The following FAN1 variants were observed in gnomAD, a reference collection of about 807,000 sequenced individuals.
The protein encoded by FAN1 is fanconi-associated nuclease 1.
A neutral mutation model predicts 104.9 loss-of-function variants in FAN1; 91 were observed. The observed-to-expected ratio is 0.87, with a 90% CI of 0.73 to 1.03. FAN1 has a LOEUF of 1.03. FAN1 is among the 50% of genes least tolerant of loss of function. The pLI is 0.00. For synonymous variants in FAN1, 478 were observed against 457.6 expected (o/e 1.04, Z -0.57); for missense variants, 1,263 against 1,239.9 (o/e 1.02, Z -0.28).
chr15:30,940,114 T>C, intron 14 of FAN1: 2 of 985,348 alleles, frequency 2.0e-6, no homozygotes, highest in Non-Finnish European at 2.4e-6. Flanking sequence ...ATTTTCCATA[T>C]CTTAGGATGG....
Position 30,908,137 on chromosome 15 carries a change from T to C in FAN1, c.1254T>C (p.Tyr418=). ...YQLSATGQKL[Y]VRLFQRKLSW... Reference sequence around the variant, plus strand: ...TTGCAGCTACTGGTCAGAAGTTATATGTAAGGCTCTTTCAACGTAAATTAA... The same window carrying C: ...TTGCAGCTACTGGTCAGAAGTTATACGTAAGGCTCTTTCAACGTAAATTAA... The change falls in exon 3 of 15, where the codon TAT becomes TAC. Residue 418 remains tyrosine (Y), a synonymous_variant. Transcript: ENST00000362065. 6.2e-7 allele frequency: 1 copy of C among 1,610,280 alleles called. No individual in the cohort carries two copies. Among genetic ancestry groups the C allele is most frequent in the Non-Finnish European group, 8.5e-7 (1 of 1,178,650 alleles).
intron 13 of FAN1, among the ~76,000 whole-genome samples, chr15:30,934,773 A>G (rs956976868): frequency 6.6e-6 from 1 of 152,230 alleles, no homozygotes; most frequent in South Asian, 2.1e-4. Flanking sequence ...TATATTATAT[A>G]TCTTAAACTT....
At chr15:30,921,704 A>G (rs2062334074) in intron 7 of FAN1, among the ~76,000 whole-genome samples, 1 of 152,200 alleles carries the variant, frequency 6.6e-6, no homozygotes, top group Non-Finnish European at 1.5e-5. Context: ...CCATATTACA[A>G]AGACATCCAT....
At chr15:30,927,884 A>G in intron 10 of FAN1, 2 of 985,728 alleles carry the variant, frequency 2.0e-6, no homozygotes, top group Non-Finnish European at 2.4e-6. Flanking sequence ...CTGTGACCTC[A>G]GCACCTGACT....
intron 14 of FAN1, among the ~76,000 whole-genome samples, chr15:30,938,243 T>G: frequency 6.6e-6 from 1 of 152,168 alleles, no homozygotes; most frequent in Non-Finnish European, 1.5e-5. Flanking sequence ...ATTAATTATA[T>G]GGGAAACCGA....
At chr15:30,928,059 A>G (rs903781837) in intron 10 of FAN1, 8 of 998,060 alleles carry the variant, frequency 8.0e-6, no homozygotes, top group Non-Finnish European at 9.5e-6. Flanking sequence ...GCATCAGAGC[A>G]GCACCTGCTG....
At chr15:30,925,353 GA>G (rs2140935722) in intron 9 of FAN1, 62 bp downstream of exon 9, 1 of 1,476,472 alleles carries the variant, frequency 6.8e-7, no homozygotes. Context: ...TTTTGGACCA[GA>G]AGCATCCTAA....
intron 5 of FAN1, among the ~76,000 whole-genome samples, chr15:30,914,707 G>A (rs879503159): frequency 6.6e-6 from 1 of 152,064 alleles, no homozygotes; most frequent in Non-Finnish European, 1.5e-5. Flanking sequence ...ACTTGACTTA[G>A]GAATATGTTG....
At chr15:30,921,881 A>G (rs565067119) in intron 7 of FAN1, among the ~76,000 whole-genome samples, 1 of 152,248 alleles carries the variant, frequency 6.6e-6, no homozygotes, top group African/African-American at 2.4e-5. Flanking sequence ...GTGTTCCCAG[A>G]AGTATGTGGG....
chr15:30,932,221 C>CAA (rs766829435), intron 13 of FAN1, among the ~76,000 whole-genome samples: 3,806 of 49,246 alleles, frequency 0.077, 163 homozygotes, highest in East Asian at 0.16. Flanking sequence ...GACTCCATCT[C>CAA]AAAAAAAAAA....
intron 10 of FAN1, chr15:30,926,687 TAGA>T: frequency 5.1e-6 from 5 of 985,190 alleles, no homozygotes; most frequent in Non-Finnish European, 6.0e-6. Flanking sequence ...TGGTTAGAAA[TAGA>T]AGAATAGAAT....
At position 30,925,864 on chromosome 15, in the gene FAN1, G is replaced by T. The variant is rs114441778; in HGVS notation, c.2413G>T (p.Ala805Ser). ...GTTTGTGATGGAGGCCGGGGAGGCC[G>T]CTGACCCCACCACGGTCCTGTGCTC... ...SVFVMEAGEAADPTTVLCSVE... is the reference protein window; with the variant it reads ...SVFVMEAGEASDPTTVLCSVE... The change falls in exon 10 of 15, where the codon GCT becomes TCT. Residue 805 changes from alanine (A) to serine (S), a missense_variant. By Grantham distance (99) the Ala-to-Ser change is moderately conservative. Transcript: ENST00000362065. The T allele has an allele frequency of 6.2e-7, 1 of 1,614,134 alleles. No homozygotes were observed. Among genetic ancestry groups the T allele is most frequent in the Non-Finnish European group, 8.5e-7 (1 of 1,180,006 alleles).
intron 3 of FAN1, 32 bp from the exon 4 acceptor site, chr15:30,910,581 AT>A (rs780815382): frequency 6.9e-7 from 1 of 1,441,616 alleles, no homozygotes; most frequent in Admixed American, 2.2e-5. Context: ...AAATAGTAAA[AT>A]TTAAAAAAAC....
At chr15:30,911,571 A>G (rs1207454545) in intron 4 of FAN1, 2 of 968,606 alleles carry the variant, frequency 2.1e-6, no homozygotes, top group African/African-American at 3.5e-5. Flanking sequence ...CCAACACTTG[A>G]AAAAAGCTCG....
At position 30,937,260 on chromosome 15, in the gene FAN1, GT is replaced by G. The variant is rs1391543705; in HGVS notation, c.*3+2del. The stretch of plus-strand genomic sequence containing the variant: ...TAAGAGCCAAAGCCTTAGCTAAAAG[GT>G]ATGGAATTGGGGATATTTGGTCATA... On this transcript the variant is annotated splice_donor_variant, in intron 14 of 14. Transcript: ENST00000362065. LOFTEE classifies it low-confidence loss of function (3UTR_SPLICE). The G allele has an allele frequency of 6.2e-7, 1 of 1,607,908 alleles. No homozygotes were observed.
chr15:30,905,801 C>A lies in FAN1; in HGVS notation c.1138C>A (p.Leu380Ile), dbSNP rs748277180. Reference protein sequence around the residue: ...TGHPYYLRSFLVVLKTVLENE... With the variant: ...TGHPYYLRSFIVVLKTVLENE... ...TCATCCTTACTACCTTCGGAGTTTC[C>A]TTGTGGTGCTGAAAACCGTACTTGA... Residue 380 changes from leucine to isoleucine, a missense_variant, in exon 2 of 15, where the codon CTT (leucine) becomes ATT (isoleucine). Transcript: ENST00000362065. 6.2e-6 allele frequency: 10 copies of A among 1,614,180 alleles called. No individual in the cohort carries two copies. The East Asian group carries it at 6.7e-5, about 11-fold the overall frequency.
intron 14 of FAN1, chr15:30,940,670 G>T (rs2063015966): frequency 2.0e-6 from 2 of 987,048 alleles, no homozygotes; most frequent in Admixed American, 1.2e-4. Context: ...CCACTCCCCA[G>T]TGGCTTTCAG....
chr15:30,912,059 C>T (rs1209831862), intron 4 of FAN1, among the ~76,000 whole-genome samples: 2 of 77,272 alleles, frequency 2.6e-5, no homozygotes, highest in East Asian at 2.6e-3. Flanking sequence ...GAGACTCCAT[C>T]TCAAAAAAAA....
intron 10 of FAN1, chr15:30,927,448 G>A (rs1006284428): frequency 1.3e-5 from 13 of 985,528 alleles, no homozygotes; most frequent in Non-Finnish European, 1.6e-5. Context: ...GGGATGAGGG[G>A]CTAGAACTGA....
Sources: allele counts gnomAD v4.1 joint callset (sites outside exome capture counted in the v4.1 genomes callset), GRCh38; gene constraint gnomAD v4.1.1; transcripts MANE v1.5; gene names NCBI Gene and HGNC (gene_info 2026-07-23, HGNC 2026-07-21).